The following CEP290 variants were observed in gnomAD, a reference collection of about 807,000 sequenced individuals.
CEP290 encodes centrosomal protein of 290 kDa.
Under a neutral mutation model 344.9 loss-of-function variants are expected in CEP290, and 317 were observed. The observed-to-expected ratio is 0.92, with a 90% CI of 0.84 to 1.01. CEP290 has a LOEUF of 1.01. Ranked by LOEUF, CEP290 falls within the 50% of genes least tolerant of loss-of-function variation. CEP290 has a pLI of 0.00. For synonymous variants in CEP290, 932 were observed against 895.8 expected (o/e 1.04, Z -0.72); for missense variants, 2,754 against 2,761.4 (o/e 1.00, Z 0.06).
intron 2 of CEP290, 30 bp downstream of exon 2, chr12:88,141,176 T>C: frequency 7.0e-7 from 1 of 1,429,048 alleles, no homozygotes; most frequent in South Asian, 1.3e-5. Context: ...AGTTAATGTA[T>C]ATATCTATTA....
At chr12:88,093,449 C>G (rs2137356405) in intron 28 of CEP290, 1 of 232,686 alleles carries the variant, frequency 4.3e-6, no homozygotes, top group African/African-American at 2.3e-5. Flanking sequence ...AGTCCCAACA[C>G]AGGGTCTGAC....
At position 88,064,082 on chromosome 12, in the gene CEP290, T is replaced by C. The variant is rs2034699939; in HGVS notation, c.6169A>G (p.Arg2057Gly). The C allele has an allele frequency of 6.3e-7, 1 of 1,580,222 alleles. No homozygotes were observed. The highest frequency in any genetic ancestry group is 1.3e-5 in the African/African-American group (1 of 74,152). Residue 2057 changes from arginine (R) to glycine (G), a missense_variant, in exon 45 of 54, where the codon AGA (arginine) becomes GGA (glycine). Physicochemically the swap from Arg to Gly is moderately radical, Grantham distance 125 (BLOSUM62 -2). Coordinates refer to ENST00000552810, the MANE Select transcript of CEP290 (RefSeq NM_025114.4). ...SGIESDDHCQ[R>G]EQELQKENLK... ...TTTTCCTTCTGAAGCTCCTGTTCTC[T>C]CTGACAATGATCATCTGACTCTATT...
intron 1 of CEP290, 31 bp from the exon 2 acceptor site, chr12:88,141,365 T>G (rs2040650163): frequency 8.9e-7 from 1 of 1,126,452 alleles, no homozygotes; most frequent in Admixed American, 2.2e-5. Flanking sequence ...ATTAGCATTT[T>G]CAAGGTACAC....
At position 88,139,531 on chromosome 12, in the gene CEP290, C is replaced by A; in HGVS notation, c.214G>T (p.Glu72Ter). 5 of 1,596,050 alleles carry A rather than the reference C, an allele frequency of 3.1e-6. No individual in the cohort carries two copies. Among genetic ancestry groups the A allele is most frequent in the Non-Finnish European group, 4.3e-6 (5 of 1,172,188 alleles). Residue 72 changes from glutamate to a stop codon, truncating the protein, a stop_gained, in exon 4 of 54, where the codon GAA (glutamate) becomes TAA (stop). Coordinates refer to ENST00000552810, the MANE Select transcript of CEP290 (RefSeq NM_025114.4). LOFTEE classifies it high-confidence loss of function. ...KAQEVELALE[E>*]VEKAGEEQAK... is the part of the protein sequence containing the mutation. ...TGTTCTTCTCCAGCTTTTTCTACTTCTTCCAAAGCCAGCTCCACTTCTTGA... is the reference window on the plus strand; with the variant it reads ...TGTTCTTCTCCAGCTTTTTCTACTTATTCCAAAGCCAGCTCCACTTCTTGA...
intron 10 of CEP290, 134 bp downstream of exon 10, chr12:88,129,560 A>G (rs918829391): frequency 1.9e-6 from 1 of 535,192 alleles, no homozygotes; most frequent in African/African-American, 2.0e-5. Context: ...ATATACCAAC[A>G]TGACAAGATA....
At chr12:88,102,337 T>A (rs938563522) in intron 26 of CEP290, among the ~76,000 whole-genome samples, 1 of 152,106 alleles carries the variant, frequency 6.6e-6, no homozygotes. Flanking sequence ...ATTTACAGAG[T>A]GCATCCATGG....
chr12:88,098,457 A>G (rs2137454703), intron 26 of CEP290, among the ~76,000 whole-genome samples: 1 of 151,904 alleles, frequency 6.6e-6, no homozygotes, highest in South Asian at 2.1e-4. Context: ...AAAAAAACAC[A>G]AAAAATTAGC....
rs1231339843 is a variant in CEP290, at chr12:88,073,995, C to T, written c.5710-2069G>A. Among the ~76,000 whole-genome samples the T allele has an allele frequency of 5.9e-5, 9 of 152,152 alleles. No individual in the cohort carries two copies. In the South Asian group the frequency reaches 1.7e-3, roughly 28 times the overall value. On this transcript the variant is annotated intron_variant, in intron 41 of 53. Coordinates refer to ENST00000552810, the MANE Select transcript of CEP290 (RefSeq NM_025114.4). ...AATCCAGCACTTTGGGGGGCCAAGGCGGGCAGATCACCTGAGGTCAGGAGT... is the reference window on the plus strand; with the variant it reads ...AATCCAGCACTTTGGGGGGCCAAGGTGGGCAGATCACCTGAGGTCAGGAGT...
rs1408745685 is a variant in CEP290 at position 88,114,470 on chromosome 12, T to C, written c.2002A>G (p.Lys668Glu). ...ATAATTAGAGATGTTTCTCCTCCTTTAACATCAGGATCTTTCTGCATTTCC... is the reference window on the plus strand; with the variant it reads ...ATAATTAGAGATGTTTCTCCTCCTTCAACATCAGGATCTTTCTGCATTTCC... ...IKEMQKDPDV[K>E]GGETSLIIPS... Residue 668 changes from lysine to glutamate, a missense_variant, in exon 20 of 54, where the codon AAA (lysine) becomes GAA (glutamate). Transcript: ENST00000552810. 11 of 1,547,682 alleles carry C rather than the reference T, an allele frequency of 7.1e-6. No homozygotes were observed. Among genetic ancestry groups the C allele is most frequent in the Non-Finnish European group, 7.9e-6 (9 of 1,145,196 alleles).
At chr12:88,104,051 G>A (rs2038094397) in intron 25 of CEP290, 1 of 151,356 alleles carries the variant, frequency 6.6e-6, no homozygotes, top group Non-Finnish European at 1.5e-5. Context: ...AACACTAACT[G>A]TATTTATAAA....
In CEP290 at chr12:88,097,321, C is replaced by T. The variant is rs116110864; in HGVS notation, c.2992-322G>A. Among the ~76,000 whole-genome samples the T allele has an allele frequency of 6.9e-3, 1,049 of 151,976 alleles. 17 individuals are homozygous for T. The highest frequency in any genetic ancestry group is 0.024 in the African/African-American group (1,007 of 41,442). ...TGAATCGTGGGGGTGGTTTCCCCCA[C>T]GCTATTCTCATAATAGTAAGTTCTC... is the stretch of plus-strand genomic sequence containing the variant. On this transcript the variant is annotated intron_variant, in intron 26 of 53. Transcript: ENST00000552810.
chr12:88,053,550 CAG>C, intron 52 of CEP290, 100 bp downstream of exon 52: 1 of 622,956 alleles, frequency 1.6e-6, no homozygotes, highest in Non-Finnish European at 2.9e-6. Context: ...TTCGATTTTA[CAG>C]GGAGACAATG....
Position 88,125,293 on chromosome 12 carries a change from T to A in CEP290, c.1142A>T (p.Asn381Ile). 8.7e-7 allele frequency: 1 copy of A among 1,145,024 alleles called. No individual in the cohort carries two copies. Among genetic ancestry groups the A allele is most frequent in the Middle Eastern group, 2.1e-4 (1 of 4,652 alleles). 70.9% of individuals were successfully genotyped at this position (1,145,024 alleles called of 1,614,324 possible). The change falls in exon 13 of 54, where the codon AAT becomes ATT. Residue 381 changes from asparagine to isoleucine, a missense_variant. By Grantham distance (149) the Asn-to-Ile change is moderately radical. Coordinates refer to ENST00000552810, the MANE Select transcript of CEP290 (RefSeq NM_025114.4). ...TTTCAAATCTTCAATAATACAAGTATTCTTTTCCATTTCTTTTGTATATTG... is the reference window on the plus strand; with the variant it reads ...TTTCAAATCTTCAATAATACAAGTAATCTTTTCCATTTCTTTTGTATATTG... ...VEQYTKEMEK[N>I]TCIIEDLKNE...
intron 46 of CEP290, among the ~76,000 whole-genome samples, chr12:88,061,712 T>A (rs1482245116): frequency 1.3e-5 from 2 of 152,110 alleles, no homozygotes; most frequent in East Asian, 3.8e-4. Flanking sequence ...AAGGTCAAAT[T>A]AACACATATT....
chr12:88,115,087 T>C lies in CEP290; in HGVS notation c.1909+11A>G. On this transcript the variant is annotated intron_variant, in intron 19 of 53. Coordinates refer to ENST00000552810, the MANE Select transcript of CEP290 (RefSeq NM_025114.4). Reference sequence around the variant, plus strand: ...ATAAGAACAGAAAAGTAAAAGATAATTGTAACTTACATTTATTCTGAAATT... The same window carrying C: ...ATAAGAACAGAAAAGTAAAAGATAACTGTAACTTACATTTATTCTGAAATT... 1 of 1,337,682 alleles carries C rather than the reference T, an allele frequency of 7.5e-7. No individual in the cohort carries two copies. The highest frequency in any genetic ancestry group is 1.0e-6 in the Non-Finnish European group (1 of 961,556). 82.9% of individuals were successfully genotyped at this position (1,337,682 alleles called of 1,614,324 possible).
At chr12:88,115,510 C>T (rs1357676270) in intron 18 of CEP290, 1 of 1,297,476 alleles carries the variant, frequency 7.7e-7, no homozygotes, top group South Asian at 1.2e-5. Flanking sequence ...TGTTCAAGCT[C>T]TATATCTGCA....
At chr12:88,107,581 TAA>T (rs1406269117) in intron 23 of CEP290, among the ~76,000 whole-genome samples, 10 of 148,016 alleles carry the variant, frequency 6.8e-5, no homozygotes. Flanking sequence ...TTAAAATTGC[TAA>T]GAGAGTAAAT....
chr12:88,049,108 G>GAACT lies in CEP290; in HGVS notation c.*72_*75dup. On this transcript the variant is annotated 3_prime_UTR_variant, in exon 54 of 54. Transcript: ENST00000552810. ...TGAGAAGGAAATACTACAGTTCGGA[G>GAACT]AACTGCTTATTTCCAAGTATATTTA... is the stretch of plus-strand genomic sequence containing the variant. The GAACT allele has an allele frequency of 1.2e-6, 1 of 813,402 alleles. No individual in the cohort carries two copies. Among genetic ancestry groups the GAACT allele is most frequent in the Non-Finnish European group, 2.0e-6 (1 of 511,478 alleles). The allele number at this position is 813,402 out of a possible 1,614,324, so 50.4% of individuals were successfully genotyped here. A position where few individuals can be genotyped will look rare whatever the true frequency, so the allele number is the denominator to read the frequency against.
At chr12:88,096,146 T>A (rs2137409935) in intron 27 of CEP290, among the ~76,000 whole-genome samples, 1 of 152,228 alleles carries the variant, frequency 6.6e-6, no homozygotes, top group African/African-American at 2.4e-5. Context: ...ACTCCTAGGT[T>A]CAAGCAATTC....
Sources: gnomAD v4.1 joint callset for allele counts (sites outside exome capture counted in the v4.1 genomes callset) on GRCh38, gnomAD v4.1.1 for gene constraint, MANE v1.5 for transcripts, NCBI Gene and HGNC (gene_info 2026-07-23, HGNC 2026-07-21) for gene names.